Variants in DOK6 observed in about 807,000 individuals in gnomAD.
DOK6 encodes downstream of tyrosine kinase 6.
Under a neutral mutation model 44.0 loss-of-function variants are expected in DOK6, and 22 were observed. The observed-to-expected ratio is 0.50, with a 90% CI of 0.36 to 0.71. The LOEUF (loss-of-function observed/expected upper bound fraction) is 0.71. Ranked by LOEUF, DOK6 falls within the 30% of genes least tolerant of loss-of-function variation. DOK6 has a pLI of 0.00. For synonymous variants in DOK6, 166 were observed against 145.5 expected, an observed-to-expected ratio of 1.14 and a Z score of -1.01; for missense variants, 340 against 416.4, an observed-to-expected ratio of 0.82 and a Z score of 1.60.
At chr18:69,512,341 T>C (rs867027667) in intron 1 of DOK6, among the ~76,000 whole-genome samples, 15,522 of 138,260 alleles carry the variant, frequency 0.11, 1,064 homozygotes, top group Non-Finnish European at 0.16. Context: ...TCTTTTTTTT[T>C]TTTTTTTTTT....
chr18:69,813,391 C>A (rs894329941), intron 7 of DOK6, among the ~76,000 whole-genome samples: 4 of 151,956 alleles, frequency 2.6e-5, no homozygotes, highest in Non-Finnish European at 4.4e-5. Flanking sequence ...TGTGAGAAGG[C>A]TAGATTGTTG....
At chr18:69,604,439 G>A (rs999311661) in intron 3 of DOK6, among the ~76,000 whole-genome samples, 2 of 152,138 alleles carry the variant, frequency 1.3e-5, no homozygotes, top group African/African-American at 2.4e-5. Context: ...TCCTGACAAC[G>A]TGGCTGAAGT....
At chr18:69,743,187 G>A (rs1978862909) in intron 6 of DOK6, among the ~76,000 whole-genome samples, 1 of 152,152 alleles carries the variant, frequency 6.6e-6, no homozygotes, top group Non-Finnish European at 1.5e-5. Context: ...ATATTAAACT[G>A]GAACTATTTT....
chr18:69,811,165 A>G (rs9954502), intron 7 of DOK6, among the ~76,000 whole-genome samples: 13,397 of 152,026 alleles, frequency 0.088, 1,037 homozygotes, highest in African/African-American at 0.21. Context: ...ACATGGATGA[A>G]CCTGGACAAT....
chr18:69,647,801 G>A lies in DOK6; in HGVS notation c.290-29933G>A, dbSNP rs182319238. 3.2e-4 allele frequency among the ~76,000 whole-genome samples: 48 copies of A among 152,272 alleles called. No individual in the cohort carries two copies. In the East Asian group the frequency reaches 3.5e-3, roughly 11 times the overall value. ...ATGAAATCCCATAGAGCAACTCCATGTCATCAGGATGGGGCAGAGGACAGA... is the reference window on the plus strand; with the variant it reads ...ATGAAATCCCATAGAGCAACTCCATATCATCAGGATGGGGCAGAGGACAGA... On this transcript the variant is annotated intron_variant, in intron 3 of 7. Coordinates refer to ENST00000382713, the MANE Select transcript of DOK6 (RefSeq NM_152721.6).
At chr18:69,825,916 T>G (rs1053412233) in intron 7 of DOK6, among the ~76,000 whole-genome samples, 2 of 152,126 alleles carry the variant, frequency 1.3e-5, no homozygotes, top group African/African-American at 4.8e-5. Context: ...GATGCTTGCC[T>G]TGCACCTTTG....
intron 1 of DOK6, among the ~76,000 whole-genome samples, chr18:69,508,295 AG>A (rs1324063778): frequency 1.3e-5 from 2 of 152,120 alleles, no homozygotes; most frequent in African/African-American, 4.8e-5. Flanking sequence ...TATATTAATA[AG>A]GTACATTGGT....
chr18:69,635,864 A>G (rs571197858), intron 3 of DOK6, among the ~76,000 whole-genome samples: 1 of 152,278 alleles, frequency 6.6e-6, no homozygotes, highest in South Asian at 2.1e-4. Flanking sequence ...AATATTTCAG[A>G]ATATTTTTTC....
At chr18:69,557,879 T>G (rs1358271278) in intron 1 of DOK6, among the ~76,000 whole-genome samples, 2 of 152,028 alleles carry the variant, frequency 1.3e-5, no homozygotes, top group African/African-American at 4.8e-5. Flanking sequence ...CAGCCAATGG[T>G]CTCTGTACCT....
intron 6 of DOK6, among the ~76,000 whole-genome samples, chr18:69,742,526 T>G (rs1026241728): frequency 6.6e-6 from 1 of 152,070 alleles, no homozygotes; most frequent in African/African-American, 2.4e-5. Flanking sequence ...GGTAAGATAA[T>G]TAGAAGTGAA....
chr18:69,787,709 A>G (rs1001315727), intron 7 of DOK6, among the ~76,000 whole-genome samples: 8 of 152,218 alleles, frequency 5.3e-5, no homozygotes, highest in Admixed American at 4.6e-4. Context: ...TGGTTCTAGT[A>G]TGATACAGTA....
intron 4 of DOK6, among the ~76,000 whole-genome samples, chr18:69,696,441 A>T (rs776872776): frequency 2.6e-5 from 4 of 152,212 alleles, no homozygotes; most frequent in Non-Finnish European, 5.9e-5. Flanking sequence ...TTACTTCAAT[A>T]TTTTGGAAGA....
chr18:69,496,222 C>A (rs1980884546), intron 1 of DOK6, among the ~76,000 whole-genome samples: 1 of 152,244 alleles, frequency 6.6e-6, no homozygotes, highest in Non-Finnish European at 1.5e-5. Context: ...GGTTCACAGG[C>A]ACAACCTGAG....
At chr18:69,782,653 C>A (rs190395211) in intron 7 of DOK6, among the ~76,000 whole-genome samples, 1 of 151,992 alleles carries the variant, frequency 6.6e-6, no homozygotes. Flanking sequence ...AATCCCAGCA[C>A]TTTGGGAGGC....
At chr18:69,590,456 G>GA (rs1755173725) in intron 2 of DOK6, among the ~76,000 whole-genome samples, 2 of 152,080 alleles carry the variant, frequency 1.3e-5, no homozygotes, top group Non-Finnish European at 2.9e-5. Context: ...ATTATTTTGT[G>GA]AAAACCTTCC....
intron 2 of DOK6, among the ~76,000 whole-genome samples, chr18:69,597,904 C>G (rs1166034125): frequency 6.6e-6 from 1 of 152,178 alleles, no homozygotes; most frequent in Non-Finnish European, 1.5e-5. Context: ...TTCACAGATT[C>G]AGAAACCACA....
chr18:69,773,304 A>G (rs1426440803), intron 7 of DOK6, among the ~76,000 whole-genome samples: 2 of 152,022 alleles, frequency 1.3e-5, no homozygotes, highest in Non-Finnish European at 2.9e-5. Context: ...ACAATTAAAA[A>G]TAGAAATACA....
chr18:69,430,156 G>A (rs990250985), intron 1 of DOK6, among the ~76,000 whole-genome samples: 14 of 152,106 alleles, frequency 9.2e-5, no homozygotes, highest in African/African-American at 3.4e-4. Flanking sequence ...GGATTTGACT[G>A]ATTACGAAGG....
intron 1 of DOK6, among the ~76,000 whole-genome samples, chr18:69,403,310 C>T (rs1165377551): frequency 6.6e-6 from 1 of 152,124 alleles, no homozygotes; most frequent in Non-Finnish European, 1.5e-5. Flanking sequence ...GAGTATGTAA[C>T]CCAATTATAA....
Sources: gnomAD v4.1 joint callset for allele counts (sites outside exome capture counted in the v4.1 genomes callset) on GRCh38, gnomAD v4.1.1 for gene constraint, MANE v1.5 for transcripts, NCBI Gene and HGNC (gene_info 2026-07-23, HGNC 2026-07-21) for gene names.